The following GRID1 variants were observed in gnomAD, a reference collection of about 807,000 sequenced individuals.
The protein encoded by GRID1 is glutamate receptor ionotropic, delta-1.
GRID1 carries 28 observed loss-of-function variants against 98.0 expected under a neutral mutation model. That is an observed-to-expected ratio of 0.29 (90% confidence interval 0.21 to 0.39). The LOEUF is 0.39. Ranked by LOEUF, GRID1 falls within the 10% of genes least tolerant of loss-of-function variation. The probability of loss-of-function intolerance (pLI) is 1.00; values close to 1 mark genes in which losing one functional copy is unlikely to be tolerated. For synonymous variants in GRID1, 553 were observed against 538.5 expected (o/e 1.03, Z -0.37); for missense variants, 1,111 against 1,340.5 (o/e 0.83, Z 2.67).
intron 8 of GRID1, among the ~76,000 whole-genome samples, chr10:85,772,086 A>AATGTACATTTACATC (rs1340538702): frequency 6.6e-6 from 1 of 152,204 alleles, no homozygotes; most frequent in Non-Finnish European, 1.5e-5. Flanking sequence ...AGCTCTCCTC[A>AATGTACATTTACATC]GCAAATGTAA....
intron 4 of GRID1, among the ~76,000 whole-genome samples, chr10:86,023,382 C>G (rs72846405): frequency 0.051 from 7,823 of 152,230 alleles, 254 homozygotes; most frequent in South Asian, 0.16. Context: ...TCTCACAACC[C>G]CACAAGCTAA....
chr10:85,633,308 A>C (rs560788314), intron 13 of GRID1, among the ~76,000 whole-genome samples: 1 of 152,210 alleles, frequency 6.6e-6, no homozygotes, highest in East Asian at 1.9e-4. Flanking sequence ...GAGCCCATTA[A>C]TTTTCCCAAG....
At chr10:85,799,673 TAG>T (rs1842558100) in intron 8 of GRID1, among the ~76,000 whole-genome samples, 1 of 151,968 alleles carries the variant, frequency 6.6e-6, no homozygotes, top group Non-Finnish European at 1.5e-5. Flanking sequence ...GCCAATCTCA[TAG>T]GAGTAGAGAG....
At chr10:85,871,588 T>C (rs1843278798) in intron 5 of GRID1, among the ~76,000 whole-genome samples, 1 of 152,230 alleles carries the variant, frequency 6.6e-6, no homozygotes, top group Non-Finnish European at 1.5e-5. Flanking sequence ...TCTCCTTGCA[T>C]GTGACACATT....
chr10:85,957,187 C>T (rs1392726357), intron 4 of GRID1, among the ~76,000 whole-genome samples: 1 of 152,186 alleles, frequency 6.6e-6, no homozygotes, highest in Admixed American at 6.5e-5. Context: ...ATTCGGATTA[C>T]AATTCAAGAT....
intron 2 of GRID1, among the ~76,000 whole-genome samples, chr10:86,269,933 G>A (rs953006603): frequency 6.6e-6 from 1 of 152,008 alleles, no homozygotes; most frequent in African/African-American, 2.4e-5. Context: ...GGGTCTACAG[G>A]GCTCACACAT....
chr10:85,956,751 C>A (rs144332472), intron 4 of GRID1, among the ~76,000 whole-genome samples: 1 of 152,256 alleles, frequency 6.6e-6, no homozygotes, highest in Non-Finnish European at 1.5e-5. Context: ...GCATGGGAAG[C>A]GTCAATTTGA....
At chr10:86,189,594 C>A (rs1202200352) in intron 3 of GRID1, among the ~76,000 whole-genome samples, 1 of 152,138 alleles carries the variant, frequency 6.6e-6, no homozygotes, top group Non-Finnish European at 1.5e-5. Flanking sequence ...AGATCCCTGA[C>A]CATGAACCTG....
chr10:86,322,416 T>C (rs1187668419), intron 2 of GRID1, among the ~76,000 whole-genome samples: 3 of 152,054 alleles, frequency 2.0e-5, no homozygotes. Flanking sequence ...GTTGTTGTCG[T>C]TGTTGTTGTT....
intron 4 of GRID1, among the ~76,000 whole-genome samples, chr10:85,988,589 G>C (rs962155661): frequency 1.3e-5 from 2 of 152,310 alleles, no homozygotes; most frequent in East Asian, 3.9e-4. Flanking sequence ...ATCCTCTCAA[G>C]GTCACCGTTG....
intron 8 of GRID1, among the ~76,000 whole-genome samples, chr10:85,743,657 A>C (rs1458370691): frequency 6.6e-6 from 1 of 152,176 alleles, no homozygotes; most frequent in African/African-American, 2.4e-5. Flanking sequence ...TTTTGTTATT[A>C]GGTTGATGAG....
intron 2 of GRID1, among the ~76,000 whole-genome samples, chr10:86,215,097 G>A (rs868624446): frequency 1.3e-5 from 2 of 152,346 alleles, no homozygotes; most frequent in Middle Eastern, 6.8e-3. Flanking sequence ...CAAGGGGACA[G>A]TGGGGAGGGA....
At chr10:85,922,245 C>G (rs1841715757) in intron 4 of GRID1, among the ~76,000 whole-genome samples, 1 of 152,196 alleles carries the variant, frequency 6.6e-6, no homozygotes, top group Admixed American at 6.5e-5. Flanking sequence ...TGCTGTCCTT[C>G]TCCAGGTTAA....
Position 85,602,577 on chromosome 10 carries a change from G to A in GRID1, c.2726C>T (p.Ala909Val). 1 of 1,614,110 alleles carries A rather than the reference G, an allele frequency of 6.2e-7. No homozygotes were observed. The highest frequency in any genetic ancestry group is 1.1e-5 in the South Asian group (1 of 91,078). ...TGTCGGCTCCAAGGTCTGGGTGGGA[G>A]CCAGGCCCCCCATCTCCAGGGCCGA... is the stretch of plus-strand genomic sequence containing the variant. Reference protein sequence around the residue: ...ELSALEMGGLAPTQTLEPTRE... With the variant: ...ELSALEMGGLVPTQTLEPTRE... Residue 909 changes from alanine to valine, a missense_variant, in exon 16 of 16, where the codon GCT (alanine) becomes GTT (valine). Physicochemically the swap from Ala to Val is moderately conservative, Grantham distance 64. Around this residue, in one of 3 missense-constraint regions of GRID1, gnomAD observed 762 missense variants for 869.1 expected, o/e 0.88. Transcript: ENST00000327946.
intron 2 of GRID1, among the ~76,000 whole-genome samples, chr10:86,326,265 C>T (rs908811134): frequency 6.6e-6 from 1 of 152,136 alleles, no homozygotes; most frequent in Non-Finnish European, 1.5e-5. Context: ...CACTATGCCC[C>T]GGGTTGGTAA....
chr10:86,339,579 C>T (rs1848279779), intron 2 of GRID1, among the ~76,000 whole-genome samples: 1 of 152,218 alleles, frequency 6.6e-6, no homozygotes, highest in Admixed American at 6.5e-5. Flanking sequence ...TAGAGCCGGC[C>T]CTCAGGCATG....
intron 3 of GRID1, among the ~76,000 whole-genome samples, chr10:86,183,624 G>T (rs906050053): frequency 1.3e-5 from 2 of 152,234 alleles, no homozygotes; most frequent in African/African-American, 4.8e-5. Flanking sequence ...CTCCCAAAGT[G>T]CTGGGATTAC....
chr10:85,774,916 G>A (rs1842313787), intron 8 of GRID1, among the ~76,000 whole-genome samples: 3 of 151,568 alleles, frequency 2.0e-5, no homozygotes, highest in Admixed American at 2.0e-4. Context: ...AAGTCAGTGT[G>A]GCGATTCCTC....
chr10:85,988,510 C>G (rs866639743), intron 4 of GRID1, among the ~76,000 whole-genome samples: 1 of 152,160 alleles, frequency 6.6e-6, no homozygotes, highest in African/African-American at 2.4e-5. Flanking sequence ...AGTCTGCTCC[C>G]CAACCTGGGC....
Sources: gnomAD v4.1 joint callset for allele counts (sites outside exome capture counted in the v4.1 genomes callset) on GRCh38, gnomAD v4.1.1 for gene constraint, gnomAD v4.1.1 regional missense constraint, MANE v1.5 for transcripts, NCBI Gene and HGNC (gene_info 2026-07-23, HGNC 2026-07-21) for gene names.